ADCY6: variants seen among roughly 807,000 people sequenced by gnomAD.
ADCY6 encodes the protein adenylate cyclase type 6.
In ADCY6, 59 loss-of-function variants were observed where a neutral mutation model predicts 111.6. The observed-to-expected ratio is 0.53, with a 90% CI of 0.43 to 0.66. The LOEUF is 0.66. ADCY6 is among the 30% of genes least tolerant of loss of function. The probability of loss-of-function intolerance (pLI) is 0.00; values close to 1 mark genes in which losing one functional copy is unlikely to be tolerated. For missense variants in ADCY6, 1,242 were observed against 1,595.6 expected (o/e 0.78, Z 3.78); for synonymous variants, 576 against 642.9 (o/e 0.90, Z 1.57).
rs747330583 is a variant in ADCY6, at chr12:48,771,357, A to C, written c.3051+353T>G. ...AGGACACTACCTCACATTTTGCTTC[A>C]ATTTTCTCTATTCAGAGGACCATCT... On this transcript the variant is annotated intron_variant, in intron 19 of 21. Transcript: ENST00000357869. The surrounding 1 kb of genome is among the most constrained non-coding windows in gnomAD (Gnocchi z 4.3). 9.9e-5 allele frequency: 48 copies of C among 485,194 alleles called. No individual in the cohort carries two copies. The highest frequency in any genetic ancestry group is 1.5e-4 in the Non-Finnish European group (39 of 264,606). 30.1% of individuals were successfully genotyped at this position (485,194 alleles called of 1,614,324 possible). A position where few individuals can be genotyped will look rare whatever the true frequency, so the allele number is the denominator to read the frequency against.
chr12:48,781,833 G>T (rs1941852671), intron 2 of ADCY6, among the ~76,000 whole-genome samples: 1 of 152,156 alleles, frequency 6.6e-6, no homozygotes, highest in South Asian at 2.1e-4. Flanking sequence ...ACACACACTT[G>T]GAGCCTGGAG....
chr12:48,775,432 G>A lies in ADCY6; in HGVS notation c.1851C>T (p.Ala617=). 2 of 1,614,128 alleles carry A rather than the reference G, an allele frequency of 1.2e-6. No individual in the cohort carries two copies. Among genetic ancestry groups the A allele is most frequent in the Non-Finnish European group, 8.5e-7 (1 of 1,180,024 alleles). ...CATCCACCTCATCCTCAGGGTTCAGGGCATCTTGGGTGCCCCGGCTGAGGG... is the reference window on the plus strand; with the variant it reads ...CATCCACCTCATCCTCAGGGTTCAGAGCATCTTGGGTGCCCCGGCTGAGGG... ...SSKDNRGTQD[A]LNPEDEVDEF... is the part of the protein sequence containing the mutation. The change falls in exon 11 of 22, where the codon GCC becomes GCT. Residue 617 remains alanine (A), a synonymous_variant. Transcript: ENST00000357869.
chr12:48,778,302 G>GC (rs750916012), intron 2 of ADCY6, 45 bp from the exon 3 acceptor site: 15 of 1,612,192 alleles, frequency 9.3e-6, no homozygotes, highest in Admixed American at 3.3e-5. Context: ...TCCTCTGCCT[G>GC]CCCCCCTAAA....
At chr12:48,778,948 G>A (rs955137831) in intron 2 of ADCY6, among the ~76,000 whole-genome samples, 1 of 124,704 alleles carries the variant, frequency 8.0e-6, no homozygotes. Context: ...GCCTGATCTC[G>A]GCTCACTGCA....
At position 48,783,096 on chromosome 12, in the gene ADCY6, C is replaced by T; in HGVS notation, c.339G>A (p.Arg113=). 2 of 1,611,484 alleles carry T rather than the reference C, an allele frequency of 1.2e-6. No homozygotes were observed. The highest frequency in any genetic ancestry group is 1.7e-6 in the Non-Finnish European group (2 of 1,179,332). Residue 113 remains arginine (R), a synonymous_variant, in exon 2 of 22, where the codon AGG becomes AGA. Transcript: ENST00000357869. ...TAEVAPDAVP[R]SGRSCWRRLV... ...GACGGCGCCAGCAGGATCGCCCACT[C>T]CTGGGCACCGCGTCGGGCGCCACCT...
At position 48,772,435 on chromosome 12, in the gene ADCY6, G is replaced by A; in HGVS notation, c.2658-11C>T. On this transcript the variant is annotated splice_polypyrimidine_tract_variant and intron_variant, in intron 17 of 21. Transcript: ENST00000357869. ...CTCCCTGCAGCTGGACTAAGGATAA[G>A]CAGAGACATGCTTGGTGTCTGAAGG... The A allele has an allele frequency of 6.2e-7, 1 of 1,614,146 alleles. No homozygotes were observed. Among genetic ancestry groups the A allele is most frequent in the Non-Finnish European group, 8.5e-7 (1 of 1,179,998 alleles).
In ADCY6 at chr12:48,768,507, C is replaced by T; in HGVS notation, c.*84G>A. On this transcript the variant is annotated 3_prime_UTR_variant, in exon 22 of 22. Transcript: ENST00000357869. ...TAGCAGGGTCTGGAGGCTCAGTGCCCCCTGCCACAGCTCCACCCAGTGAGC... is the reference window on the plus strand; with the variant it reads ...TAGCAGGGTCTGGAGGCTCAGTGCCTCCTGCCACAGCTCCACCCAGTGAGC... 1 of 1,601,312 alleles carries T rather than the reference C, an allele frequency of 6.2e-7. No homozygotes were observed. The highest frequency in any genetic ancestry group is 2.2e-5 in the East Asian group (1 of 44,766).
At position 48,782,149 on chromosome 12, in the gene ADCY6, T is replaced by C. The variant is rs540555364; in HGVS notation, c.864+422A>G. ...ATAGCACCAGCGCCTCAGTCTCTGG[T>C]GTCAACTTGCCTGCTGAGATGCTAA... On this transcript the variant is annotated intron_variant, in intron 2 of 21. Coordinates refer to ENST00000357869, the MANE Select transcript of ADCY6 (RefSeq NM_015270.5). This position sits in a 1 kb window ranked among gnomAD's most constrained non-coding sequence, Gnocchi z 4.3. 1.3e-5 allele frequency among the ~76,000 whole-genome samples: 2 copies of C among 152,212 alleles called. No homozygotes were observed. Among genetic ancestry groups the C allele is most frequent in the Admixed American group, 1.3e-4 (2 of 15,288 alleles).
intron 20 of ADCY6, among the ~76,000 whole-genome samples, chr12:48,770,013 G>A (rs112981079): frequency 0.013 from 1,978 of 151,396 alleles, 37 homozygotes; most frequent in African/African-American, 0.044. Flanking sequence ...CGCCTGCCTC[G>A]GACTCCCAAA....
chr12:48,781,106 G>A (rs1009181640), intron 2 of ADCY6, among the ~76,000 whole-genome samples: 14 of 151,724 alleles, frequency 9.2e-5, no homozygotes, highest in African/African-American at 3.4e-4. Flanking sequence ...GCCGAGGCAG[G>A]AGAATCGCTT....
In ADCY6 at chr12:48,786,875, CCT is replaced by C. The variant is rs751468542; in HGVS notation, c.-5+2029_-5+2030del. Among the ~76,000 whole-genome samples the C allele has an allele frequency of 5.9e-5, 9 of 152,324 alleles. No homozygotes were observed. In the South Asian group the frequency reaches 1.0e-3, roughly 18 times the overall value. ...ACACTGCCTTGGGCAAGTTATTTAA[CCT>C]CTCTGTGTCAGTACCTTCATCTGCA... On this transcript the variant is annotated intron_variant, in intron 1 of 21. Coordinates refer to ENST00000357869, the MANE Select transcript of ADCY6 (RefSeq NM_015270.5).
chr12:48,773,638 C>T lies in ADCY6; in HGVS notation c.2452G>A (p.Gly818Arg). The T allele has an allele frequency of 2.5e-6, 4 of 1,614,056 alleles. No homozygotes were observed. The highest frequency in any genetic ancestry group is 1.7e-5 in the Admixed American group (1 of 60,022). Residue 818 changes from glycine to arginine, a missense_variant, in exon 16 of 22, where the codon GGG becomes AGG. Coordinates refer to ENST00000357869, the MANE Select transcript of ADCY6 (RefSeq NM_015270.5). Reference sequence around the variant, plus strand: ...GCCAAGAGACTCAGCAGCATGTTCCCGATGAAGTACTGCGGGGGTGGCAGA... The same window carrying T: ...GCCAAGAGACTCAGCAGCATGTTCCTGATGAAGTACTGCGGGGGTGGCAGA... The part of the protein sequence containing the change: ...PTCSFPEYFI[G>R]NMLLSLLASS...
Position 48,783,217 on chromosome 12 carries a change from C to T in ADCY6, c.218G>A (p.Arg73Lys), listed in dbSNP as rs1941900003. 6.2e-7 allele frequency: 1 copy of T among 1,607,804 alleles called. No homozygotes were observed. The highest frequency in any genetic ancestry group is 1.3e-5 in the African/African-American group (1 of 74,914). The stretch of plus-strand genomic sequence containing the variant: ...CTCCTTGCCCTTGCCTGGGCCGCCC[C>T]TCCGGATGAAGGCGTCATCCTGCCA... ...CPWQDDAFIR[R>K]GGPGKGKELG... is the part of the protein sequence containing the mutation. Residue 73 changes from arginine (R) to lysine (K), a missense_variant, in exon 2 of 22, where the codon AGG becomes AAG. Coordinates refer to ENST00000357869, the MANE Select transcript of ADCY6 (RefSeq NM_015270.5).
In ADCY6 at chr12:48,777,364, A is replaced by C. The variant is rs200361053; in HGVS notation, c.1248+46T>G. 109 of 1,608,176 alleles carry C rather than the reference A, an allele frequency of 6.8e-5. No homozygotes were observed. In the African/African-American group the frequency reaches 1.4e-3, roughly 20 times the overall value. On this transcript the variant is annotated intron_variant, in intron 5 of 21. Transcript: ENST00000357869. This position sits in a 1 kb window ranked among gnomAD's most constrained non-coding sequence, Gnocchi z 4.9. Reference sequence around the variant, plus strand: ...CTGCTGCCAGCAAAGCTATGCTCTCACCACGGTCAACACCCAGGCCCAATC... The same window carrying C: ...CTGCTGCCAGCAAAGCTATGCTCTCCCCACGGTCAACACCCAGGCCCAATC...
chr12:48,769,215 C>G (rs1052694371), intron 20 of ADCY6, among the ~76,000 whole-genome samples, 154 bp from the exon 21 acceptor site: 11 of 151,996 alleles, frequency 7.2e-5, no homozygotes, highest in African/African-American at 2.7e-4. Context: ...CAAGACGAGC[C>G]TGGCCAACAT....
chr12:48,780,132 G>A (rs575902077), intron 2 of ADCY6, among the ~76,000 whole-genome samples: 2 of 152,266 alleles, frequency 1.3e-5, no homozygotes, highest in East Asian at 3.9e-4. Flanking sequence ...AGCCCAAGAG[G>A]AAAATGTGAG....
At chr12:48,778,353 A>C in intron 2 of ADCY6, 96 bp from the exon 3 acceptor site, 1 of 1,531,974 alleles carries the variant, frequency 6.5e-7, no homozygotes, top group Non-Finnish European at 9.0e-7. Context: ...TTCTCTGAGG[A>C]AGGAAGCCAG....
At position 48,783,173 on chromosome 12, in the gene ADCY6, C is replaced by T. The variant is rs1226889700; in HGVS notation, c.262G>A (p.Ala88Thr). Residue 88 changes from alanine to threonine, a missense_variant, in exon 2 of 22, where the codon GCC (alanine) becomes ACC (threonine). Physicochemically the swap from Ala to Thr is moderately conservative, Grantham distance 58. This residue lies in a region of ADCY6 where 362 missense variants were observed against 377.2 expected (regional missense o/e 0.96). Coordinates refer to ENST00000357869, the MANE Select transcript of ADCY6 (RefSeq NM_015270.5). ...KGKELGLRAV[A>T]LGFEDTEVTT... ...ACCTCGGTATCCTCGAAGCCCAGGG[C>T]CACTGCCCGCAGCCCCAGCTCCTTG... 5.0e-6 allele frequency: 8 copies of T among 1,606,702 alleles called. No individual in the cohort carries two copies. Among genetic ancestry groups the T allele is most frequent in the Non-Finnish European group, 5.9e-6 (7 of 1,179,638 alleles).
In ADCY6 at chr12:48,767,728, G is replaced by T; in HGVS notation, c.*863C>A. The T allele has an allele frequency of 6.5e-6, 1 of 152,766 alleles. No individual in the cohort carries two copies. The highest frequency in any genetic ancestry group is 1.5e-5 in the Non-Finnish European group (1 of 68,064). The allele number at this position is 152,766 out of a possible 1,614,324, so 9.5% of individuals were successfully genotyped here. A position where few individuals can be genotyped will look rare whatever the true frequency, so the allele number is the denominator to read the frequency against. Reference sequence around the variant, plus strand: ...GCACTGGGGCAGAGTGACCTGATCTGGACCCCGACGGGGTCCTCAGATCAG... The same window carrying T: ...GCACTGGGGCAGAGTGACCTGATCTTGACCCCGACGGGGTCCTCAGATCAG... On this transcript the variant is annotated 3_prime_UTR_variant, in exon 22 of 22. Transcript: ENST00000357869.
Sources: allele counts gnomAD v4.1 joint callset (sites outside exome capture counted in the v4.1 genomes callset), GRCh38; gene constraint gnomAD v4.1.1; regional missense constraint gnomAD v4.1.1; non-coding constraint Gnocchi (gnomAD v3.1); transcripts MANE v1.5; gene names NCBI Gene and HGNC (gene_info 2026-07-23, HGNC 2026-07-21).